The following MARCHF1 variants were observed in gnomAD, a reference collection of about 807,000 sequenced individuals.
The protein encoded by MARCHF1 is membrane associated ring-CH-type finger 1.
A neutral mutation model predicts 54.2 loss-of-function variants in MARCHF1; 40 were observed. The ratio of observed to expected loss-of-function variants is 0.74; its 90% CI spans 0.57 to 0.96. The LOEUF (loss-of-function observed/expected upper bound fraction) is 0.96. Ranked by LOEUF, MARCHF1 falls within the 40% of genes least tolerant of loss-of-function variation. The pLI is 0.00. For missense variants in MARCHF1, 586 were observed against 656.5 expected (o/e 0.89, Z 1.17); for synonymous variants, 236 against 236.3 (o/e 1.00, Z 0.01).
rs529472625 is a variant in MARCHF1 at position 164,366,685 on chromosome 4, G to A, written c.-323+17185C>T. Among the ~76,000 whole-genome samples, 18 of 151,634 alleles carry A rather than the reference G, an allele frequency of 1.2e-4. No homozygotes were observed. In the South Asian group the frequency reaches 3.3e-3, roughly 28 times the overall value. ...TTGCATTTTTGCCTCATTTTTTCCA[G>A]TTAGCTATATAATTTTATTTATTGT... On this transcript the variant is annotated intron_variant, in intron 1 of 9. Coordinates refer to ENST00000514618, the MANE Select transcript of MARCHF1 (RefSeq NM_001394959.1).
chr4:163,845,826 A>G (rs1035422919), intron 4 of MARCHF1, among the ~76,000 whole-genome samples: 1 of 152,192 alleles, frequency 6.6e-6, no homozygotes. Context: ...TTCAGTAACT[A>G]TACAATTAAA....
intron 1 of MARCHF1, among the ~76,000 whole-genome samples, chr4:164,259,498 C>T (rs1358448012): frequency 6.3e-5 from 1 of 15,944 alleles, no homozygotes; most frequent in Non-Finnish European, 1.1e-4. Context: ...GAGCTGAGAT[C>T]ACGGCTACTG....
intron 3 of MARCHF1, among the ~76,000 whole-genome samples, chr4:163,903,095 A>C (rs899434485): frequency 1.3e-5 from 2 of 152,190 alleles, no homozygotes; most frequent in African/African-American, 4.8e-5. Flanking sequence ...AAGATTCAGA[A>C]GACTCAGATT....
intron 2 of MARCHF1, among the ~76,000 whole-genome samples, chr4:164,063,616 T>G (rs1193924928): frequency 6.6e-6 from 1 of 152,212 alleles, no homozygotes; most frequent in Non-Finnish European, 1.5e-5. Context: ...TCTACCCCTA[T>G]GAAGTGGGCC....
intron 3 of MARCHF1, among the ~76,000 whole-genome samples, chr4:163,981,456 C>A (rs961997779): frequency 6.6e-6 from 1 of 152,168 alleles, no homozygotes; most frequent in Admixed American, 6.5e-5. Flanking sequence ...CCAGTTCTAC[C>A]CCCATGTCAT....
At position 163,865,251 on chromosome 4, in the gene MARCHF1, TTA is replaced by T. The variant is rs1560794380; in HGVS notation, c.-38-11084_-38-11083del. ...CTTGAGCAGCCCTTTATGAACACACTTAAAGTGTCTGAGTAAAATATGGGTTT... is the reference window on the plus strand; with the variant it reads ...CTTGAGCAGCCCTTTATGAACACACTAAGTGTCTGAGTAAAATATGGGTTT... On this transcript the variant is annotated intron_variant, in intron 3 of 9. Transcript: ENST00000514618. 2.8e-4 allele frequency among the ~76,000 whole-genome samples: 43 copies of T among 152,010 alleles called. No homozygotes were observed. In the South Asian group the frequency reaches 8.5e-3, roughly 30 times the overall value.
At chr4:163,795,121 A>G (rs1044875858) in intron 4 of MARCHF1, among the ~76,000 whole-genome samples, 7 of 152,202 alleles carry the variant, frequency 4.6e-5, no homozygotes, top group African/African-American at 1.2e-4. Flanking sequence ...ATTTATCCTA[A>G]TCAATCACAT....
chr4:163,529,138 T>A (rs1738255099), intron 9 of MARCHF1, 92 bp from the exon 10 acceptor site: 2 of 887,168 alleles, frequency 2.3e-6, no homozygotes. Context: ...AAGCCCGTGC[T>A]TGCCTTCTAG....
Position 164,244,541 on chromosome 4 carries a change from G to T in MARCHF1, c.-322-132879C>A, listed in dbSNP as rs201267251. 8.0e-5 allele frequency among the ~76,000 whole-genome samples: 10 copies of T among 125,486 alleles called. No individual in the cohort carries two copies. The East Asian group carries it at 2.1e-3, about 26-fold the overall frequency. The allele number at this position is 125,486 out of a possible 152,430, so 82.3% of individuals were successfully genotyped here. A position where few individuals can be genotyped will look rare whatever the true frequency, so the allele number is the denominator to read the frequency against. ...AAATTGACACCCTAACATCACAATT[G>T]AAAGAACTAGAAAAGCAAGAGCAAA... On this transcript the variant is annotated intron_variant, in intron 1 of 9. Coordinates refer to ENST00000514618, the MANE Select transcript of MARCHF1 (RefSeq NM_001394959.1).
Position 164,241,153 on chromosome 4 carries a change from AC to A in MARCHF1, c.-322-129492del, listed in dbSNP as rs147269495. ...AGGAACTGACTCAACTCGCCCTGTG[AC>A]CCCCTCACCCAGAAACTGACTCAGC... On this transcript the variant is annotated intron_variant, in intron 1 of 9. Coordinates refer to ENST00000514618, the MANE Select transcript of MARCHF1 (RefSeq NM_001394959.1). Among the ~76,000 whole-genome samples, 69 of 151,992 alleles carry A rather than the reference AC, an allele frequency of 4.5e-4. 2 individuals are homozygous for A. The East Asian group carries it at 0.01, about 22-fold the overall frequency.
intron 2 of MARCHF1, among the ~76,000 whole-genome samples, chr4:164,067,885 G>C (rs1050569271): frequency 2.0e-5 from 3 of 151,760 alleles, no homozygotes; most frequent in Non-Finnish European, 4.4e-5. Flanking sequence ...CAAAAAACAA[G>C]TAACCACATT....
chr4:163,748,806 C>G (rs577743230), intron 4 of MARCHF1, among the ~76,000 whole-genome samples: 2 of 152,198 alleles, frequency 1.3e-5, no homozygotes, highest in East Asian at 3.9e-4. Context: ...ACAGCCCCCC[C>G]GCCCATTGAC....
chr4:164,241,140 A>C (rs976484955), intron 1 of MARCHF1, among the ~76,000 whole-genome samples: 2 of 152,124 alleles, frequency 1.3e-5, no homozygotes, highest in African/African-American at 2.4e-5. Flanking sequence ...GAACTGACTC[A>C]ACTCGCCCTG....
intron 8 of MARCHF1, among the ~76,000 whole-genome samples, chr4:163,559,943 G>T (rs867518555): frequency 1.3e-5 from 2 of 152,054 alleles, no homozygotes; most frequent in Non-Finnish European, 2.9e-5. Flanking sequence ...TCTAATTGTC[G>T]AGTTCTCAGA....
chr4:163,841,731 T>C (rs1248668134), intron 4 of MARCHF1, among the ~76,000 whole-genome samples: 1 of 152,126 alleles, frequency 6.6e-6, no homozygotes, highest in Non-Finnish European at 1.5e-5. Context: ...ATATGTGTAA[T>C]AAAGTTTGGT....
At chr4:163,727,614 T>A (rs1295651886) in intron 4 of MARCHF1, among the ~76,000 whole-genome samples, 1 of 56,980 alleles carries the variant, frequency 1.8e-5, no homozygotes, top group Admixed American at 2.2e-4. Context: ...CCTAAATTAA[T>A]TTTTTTTTTT....
rs138349854 is a variant in MARCHF1 at position 164,310,957 on chromosome 4, G to C, written c.-323+72913C>G. On this transcript the variant is annotated intron_variant, in intron 1 of 9. Transcript: ENST00000514618. ...ATTTAGAGAACCTACTTCTAAGATT[G>C]TGTGCTCCAACTTGCCACTAAAAAC... Among the ~76,000 whole-genome samples the C allele has an allele frequency of 1.0e-3, 152 of 152,172 alleles. 1 individual carries two copies. The highest frequency in any genetic ancestry group is 3.6e-3 in the African/African-American group (149 of 41,548).
At chr4:164,004,502 C>T (rs570624972) in intron 2 of MARCHF1, among the ~76,000 whole-genome samples, 168 of 151,940 alleles carry the variant, frequency 1.1e-3, no homozygotes, top group Non-Finnish European at 2.0e-3. Context: ...CCTATAACAA[C>T]ACTGTCAACC....
chr4:164,183,771 A>T (rs1464715301), intron 1 of MARCHF1, among the ~76,000 whole-genome samples: 1 of 152,346 alleles, frequency 6.6e-6, no homozygotes, highest in East Asian at 1.9e-4. Flanking sequence ...CCCGGATTCA[A>T]ATAAAGTGCA....
Sources: allele counts gnomAD v4.1 joint callset (sites outside exome capture counted in the v4.1 genomes callset), GRCh38; gene constraint gnomAD v4.1.1; transcripts MANE v1.5; gene names NCBI Gene and HGNC (gene_info 2026-07-23, HGNC 2026-07-21).